The following MAF variants were observed in gnomAD, a reference collection of about 807,000 sequenced individuals.
MAF encodes the protein transcription factor Maf.
MAF carries 10 observed loss-of-function variants against 22.0 expected under a neutral mutation model. The ratio of observed to expected loss-of-function variants is 0.45; its 90% CI spans 0.28 to 0.77. MAF has a LOEUF of 0.77. MAF is among the 30% of genes least tolerant of loss of function. The pLI, the probability that MAF is intolerant of heterozygous loss-of-function variation, is 0.12. For synonymous variants in MAF, 337 were observed against 255.8 expected (o/e 1.32, Z -3.03); for missense variants, 544 against 548.4 (o/e 0.99, Z 0.08).
the MAF span, among the ~76,000 whole-genome samples, chr16:79,420,761 G>T: frequency 6.6e-6 from 1 of 152,230 alleles, no homozygotes; most frequent in Non-Finnish European, 1.5e-5. Context: ...TTGACGCGGT[G>T]GCTCATGCCT....
the MAF span, among the ~76,000 whole-genome samples, chr16:79,425,097 T>C: frequency 3.9e-5 from 6 of 152,202 alleles, no homozygotes; most frequent in Non-Finnish European, 8.8e-5. Context: ...TACCCAAAGA[T>C]GATGAATACT....
chr16:79,307,944 C>T, the MAF span, among the ~76,000 whole-genome samples: 1 of 152,222 alleles, frequency 6.6e-6, no homozygotes, highest in African/African-American at 2.4e-5. Context: ...CTTTGACTGT[C>T]ATAAATATTG....
chr16:79,538,299 C>A, the MAF span, among the ~76,000 whole-genome samples: 3 of 152,152 alleles, frequency 2.0e-5, no homozygotes, highest in African/African-American at 7.2e-5. Context: ...GATGCATATA[C>A]AAACCATTAG....
chr16:79,505,875 G>C, the MAF span, among the ~76,000 whole-genome samples: 6 of 152,088 alleles, frequency 3.9e-5, no homozygotes, highest in African/African-American at 1.2e-4. Context: ...GAATGCGGGA[G>C]AACTTGGGAC....
chr16:79,519,394 C>T, the MAF span, among the ~76,000 whole-genome samples: 46 of 152,320 alleles, frequency 3.0e-4, no homozygotes, highest in South Asian at 6.2e-4. Flanking sequence ...AGAACATCTA[C>T]GGTCTGCCTC....
chr16:79,444,165 T>G, the MAF span, among the ~76,000 whole-genome samples: 1 of 151,832 alleles, frequency 6.6e-6, no homozygotes, highest in Non-Finnish European at 1.5e-5. Flanking sequence ...ATAGTAACAT[T>G]CCTCTATTAT....
At position 79,599,341 on chromosome 16, in the gene MAF, C is replaced by CGTGGTGGTG. The variant is rs1029898670; in HGVS notation, c.553_561dup (p.His185_His187dup). ...GTCGGGTGGTGGTGGTGGCCGGCGG[C>CGTGGTGGTG]GTGGTGGTGGTGGTGGTGGTAGTGC... On this transcript the variant is annotated inframe_insertion, in exon 1 of 2. Coordinates refer to ENST00000326043, the MANE Select transcript of MAF (RefSeq NM_005360.5). 32 of 987,398 alleles carry CGTGGTGGTG rather than the reference C, an allele frequency of 3.2e-5. No homozygotes were observed. Among genetic ancestry groups the CGTGGTGGTG allele is most frequent in the Admixed American group, 6.2e-5 (1 of 16,104 alleles). The allele number at this position is 987,398 out of a possible 1,614,324, so 61.2% of individuals were successfully genotyped here. A position where few individuals can be genotyped will look rare whatever the true frequency, so the allele number is the denominator to read the frequency against.
chr16:79,433,642 G>A, the MAF span, among the ~76,000 whole-genome samples: 1 of 152,124 alleles, frequency 6.6e-6, no homozygotes, highest in Non-Finnish European at 1.5e-5. Context: ...CATACTATGT[G>A]AAGCCGGGAG....
chr16:79,544,842 G>A, the MAF span, among the ~76,000 whole-genome samples: 1 of 151,958 alleles, frequency 6.6e-6, no homozygotes, highest in Admixed American at 6.6e-5. Flanking sequence ...TATTGATATG[G>A]CACCTTACTT....
the MAF span, among the ~76,000 whole-genome samples, chr16:79,525,696 C>A: frequency 6.6e-6 from 1 of 152,228 alleles, no homozygotes; most frequent in African/African-American, 2.4e-5. Flanking sequence ...TGTTTAAAGC[C>A]TGCTAAGATT....
chr16:79,452,495 CTA>C, the MAF span, among the ~76,000 whole-genome samples: 1 of 152,092 alleles, frequency 6.6e-6, no homozygotes, highest in Non-Finnish European at 1.5e-5. Context: ...ATACAATACT[CTA>C]GAAGGATTTT....
chr16:79,431,824 A>G, the MAF span, among the ~76,000 whole-genome samples: 12 of 152,212 alleles, frequency 7.9e-5, no homozygotes. Flanking sequence ...GGGAATCACA[A>G]AACCACATGG....
chr16:79,524,983 T>G, the MAF span, among the ~76,000 whole-genome samples: 2 of 152,200 alleles, frequency 1.3e-5, no homozygotes, highest in African/African-American at 2.4e-5. Context: ...AATTTCTAAA[T>G]GAGTGCAAAA....
chr16:79,480,282 G>T, the MAF span, among the ~76,000 whole-genome samples: 1 of 152,084 alleles, frequency 6.6e-6, no homozygotes, highest in Non-Finnish European at 1.5e-5. Context: ...ATTATTTTCC[G>T]GGTGAAACTG....
chr16:79,490,449 A>C, the MAF span, among the ~76,000 whole-genome samples: 1 of 152,240 alleles, frequency 6.6e-6, no homozygotes, highest in Non-Finnish European at 1.5e-5. Context: ...GCTGAGCTTT[A>C]AGAGTCTCTG....
At chr16:79,553,171 T>A in the MAF span, among the ~76,000 whole-genome samples, 2 of 152,230 alleles carry the variant, frequency 1.3e-5, no homozygotes, top group Non-Finnish European at 2.9e-5. Flanking sequence ...ATGCCAGCTG[T>A]CATGCTGATG....
chr16:79,348,312 C>G, the MAF span, among the ~76,000 whole-genome samples: 1 of 152,222 alleles, frequency 6.6e-6, no homozygotes, highest in Non-Finnish European at 1.5e-5. Context: ...AACACACAAC[C>G]AGATTTACTC....
chr16:79,474,031 G>C, the MAF span, among the ~76,000 whole-genome samples: 7 of 151,982 alleles, frequency 4.6e-5, no homozygotes, highest in African/African-American at 1.7e-4. Flanking sequence ...GAAAGGGAGA[G>C]GGCAAAAGAC....
the MAF span, among the ~76,000 whole-genome samples, chr16:79,454,375 TAC>T: frequency 0.018 from 2,711 of 152,260 alleles, 99 homozygotes; most frequent in African/African-American, 0.062. Context: ...AAGAGAAGGC[TAC>T]CAGAAATCCG....
Sources: gnomAD v4.1 joint callset for allele counts (sites outside exome capture counted in the v4.1 genomes callset) on GRCh38, gnomAD v4.1.1 for gene constraint, MANE v1.5 for transcripts, NCBI Gene and HGNC (gene_info 2026-07-23, HGNC 2026-07-21) for gene names.